Variants in ADAM23 observed in about 807,000 individuals in gnomAD.
ADAM23 encodes the protein disintegrin and metalloproteinase domain-containing protein 23.
ADAM23 carries 33 observed loss-of-function variants against 120.1 expected under a neutral mutation model. That is an observed-to-expected ratio of 0.27 (90% CI 0.21 to 0.37). The LOEUF is 0.37. Among genes scored for constraint, ADAM23 ranks in the 10% least tolerant of loss-of-function variants. The pLI is 1.00. For synonymous variants in ADAM23, 367 were observed against 375.2 expected, an observed-to-expected ratio of 0.98 and a Z score of 0.25; for missense variants, 862 against 1,058.2, an observed-to-expected ratio of 0.81 and a Z score of 2.57.
chr2:206,538,169 A>G (rs1010594909), intron 4 of ADAM23, among the ~76,000 whole-genome samples: 1 of 152,202 alleles, frequency 6.6e-6, no homozygotes, highest in Non-Finnish European at 1.5e-5. Context: ...AAACTACTGC[A>G]AGAACATTTT....
chr2:206,575,580 G>A (rs1306608517), intron 18 of ADAM23, among the ~76,000 whole-genome samples: 1 of 152,118 alleles, frequency 6.6e-6, no homozygotes. Flanking sequence ...TGCTTTCCAA[G>A]AGGCTCCCAA....
intron 2 of ADAM23, among the ~76,000 whole-genome samples, chr2:206,448,856 A>T (rs1695135426): frequency 6.6e-6 from 1 of 152,168 alleles, no homozygotes; most frequent in Non-Finnish European, 1.5e-5. Flanking sequence ...AATATCTGTT[A>T]TGTAAATGGT....
intron 24 of ADAM23, among the ~76,000 whole-genome samples, chr2:206,604,734 A>T (rs1316500075): frequency 1.3e-5 from 2 of 152,172 alleles, no homozygotes; most frequent in Admixed American, 1.3e-4. Context: ...AATGTCAGTG[A>T]GCCCAATTGT....
intron 4 of ADAM23, among the ~76,000 whole-genome samples, chr2:206,535,556 A>G (rs1321654276): frequency 6.6e-6 from 1 of 152,250 alleles, no homozygotes; most frequent in Non-Finnish European, 1.5e-5. Flanking sequence ...AACACCCTAA[A>G]TGTCCTTCAA....
chr2:206,571,719 T>C lies in ADAM23; in HGVS notation c.1567-8T>C, dbSNP rs1698004319. On this transcript the variant is annotated splice_region_variant and splice_polypyrimidine_tract_variant and intron_variant, in intron 16 of 25. Transcript: ENST00000264377. The stretch of plus-strand genomic sequence containing the variant: ...TCTTCGCTTACTCACGTGAAGTGTT[T>C]TCTCTAGGAATGCTATGGATTATGC... 6.2e-7 allele frequency: 1 copy of C among 1,612,812 alleles called. No homozygotes were observed. The highest frequency in any genetic ancestry group is 1.7e-5 in the Admixed American group (1 of 59,996).
chr2:206,509,344 G>T (rs1418797632), intron 3 of ADAM23, among the ~76,000 whole-genome samples: 1 of 152,136 alleles, frequency 6.6e-6, no homozygotes, highest in Non-Finnish European at 1.5e-5. Context: ...GTACACATAT[G>T]AGATTATTCT....
At chr2:206,593,297 A>G (rs905478759) in intron 22 of ADAM23, among the ~76,000 whole-genome samples, 2 of 152,160 alleles carry the variant, frequency 1.3e-5, no homozygotes, top group Non-Finnish European at 1.5e-5. Flanking sequence ...TTATATTCCA[A>G]ATAGGTATTG....
chr2:206,530,994 T>C, intron 4 of ADAM23, 46 bp downstream of exon 4: 2 of 1,548,606 alleles, frequency 1.3e-6, no homozygotes, highest in East Asian at 2.3e-5. Context: ...AGTGTGCTTA[T>C]CATAGAGTTG....
chr2:206,540,901 A>T (rs1434585246), intron 4 of ADAM23, among the ~76,000 whole-genome samples: 1 of 148,972 alleles, frequency 6.7e-6, no homozygotes, highest in Non-Finnish European at 1.5e-5. Flanking sequence ...GCTATATTTT[A>T]TAAATAATAA....
chr2:206,474,026 A>C (rs1054556330), intron 2 of ADAM23, among the ~76,000 whole-genome samples: 24 of 123,560 alleles, frequency 1.9e-4, no homozygotes, highest in East Asian at 1.8e-3. Flanking sequence ...AAAAAAAAAC[A>C]AAAAAAAAAA....
In ADAM23 at chr2:206,466,693, G is replaced by A. The variant is rs552072860; in HGVS notation, c.433-14539G>A. Among the ~76,000 whole-genome samples the A allele has an allele frequency of 4.6e-5, 7 of 152,120 alleles. No individual in the cohort carries two copies. The South Asian group carries it at 8.3e-4, about 18-fold the overall frequency. The stretch of plus-strand genomic sequence containing the variant: ...TAGTGTATTAGTCTGTTCTCAAATC[G>A]CTATAAAGAAATACCTGAGACTGGG... On this transcript the variant is annotated intron_variant, in intron 2 of 25. Transcript: ENST00000264377.
intron 15 of ADAM23, among the ~76,000 whole-genome samples, chr2:206,570,105 C>T (rs1025905456): frequency 3.5e-4 from 53 of 151,404 alleles, no homozygotes; most frequent in Admixed American, 3.1e-3. Flanking sequence ...TTCATGGCAC[C>T]AGTAGACTAG....
chr2:206,505,973 G>A (rs1696489262), intron 3 of ADAM23, among the ~76,000 whole-genome samples: 1 of 152,154 alleles, frequency 6.6e-6, no homozygotes, highest in Admixed American at 6.5e-5. Flanking sequence ...TGGGATTTTT[G>A]TGGGTGACAC....
At chr2:206,568,167 T>C (rs957715900) in intron 15 of ADAM23, among the ~76,000 whole-genome samples, 1 of 152,132 alleles carries the variant, frequency 6.6e-6, no homozygotes, top group Admixed American at 6.5e-5. Flanking sequence ...TAGTTCCTTA[T>C]GAATATCAGC....
Position 206,476,086 on chromosome 2 carries a change from A to G in ADAM23, c.433-5146A>G, listed in dbSNP as rs115479495. Among the ~76,000 whole-genome samples the G allele has an allele frequency of 5.4e-3, 823 of 152,252 alleles. 17 individuals are homozygous for G. The highest frequency in any genetic ancestry group is 0.019 in the African/African-American group (794 of 41,552). ...TGCTTACTGACTTTTGCGGTCTCTAATGCCCTCTTTCCTGAAGCCGAGACC... is the reference window on the plus strand; with the variant it reads ...TGCTTACTGACTTTTGCGGTCTCTAGTGCCCTCTTTCCTGAAGCCGAGACC... On this transcript the variant is annotated intron_variant, in intron 2 of 25. Transcript: ENST00000264377.
chr2:206,576,847 A>T (rs1233096145), intron 18 of ADAM23, among the ~76,000 whole-genome samples: 1 of 152,224 alleles, frequency 6.6e-6, no homozygotes, highest in Non-Finnish European at 1.5e-5. Context: ...GATGTAATAC[A>T]GATATTTGAA....
At chr2:206,563,272 C>G (rs1479876660) in intron 13 of ADAM23, among the ~76,000 whole-genome samples, 1 of 152,102 alleles carries the variant, frequency 6.6e-6, no homozygotes, top group East Asian at 1.9e-4. Context: ...CCCAACCTCC[C>G]TAGAGAAGAA....
At chr2:206,518,696 T>C (rs1261263658) in intron 3 of ADAM23, among the ~76,000 whole-genome samples, 1 of 152,188 alleles carries the variant, frequency 6.6e-6, no homozygotes, top group East Asian at 1.9e-4. Flanking sequence ...CAATCTAATC[T>C]GTAGAAAGAG....
intron 9 of ADAM23, among the ~76,000 whole-genome samples, chr2:206,553,816 G>C (rs1444196946): frequency 6.6e-6 from 1 of 152,100 alleles, no homozygotes; most frequent in African/African-American, 2.4e-5. Flanking sequence ...TTGCTGCTGG[G>C]CTTTAGGATA....
Sources: gnomAD v4.1 joint callset for allele counts (sites outside exome capture counted in the v4.1 genomes callset) on GRCh38, gnomAD v4.1.1 for gene constraint, MANE v1.5 for transcripts, NCBI Gene and HGNC (gene_info 2026-07-23, HGNC 2026-07-21) for gene names.